Variants in EFCAB11 observed in about 807,000 individuals in gnomAD.
The protein encoded by EFCAB11 is EF-hand calcium binding domain 11, also known as EF-hand calcium-binding domain-containing protein 11.
In EFCAB11, 14 loss-of-function variants were observed where a neutral mutation model predicts 23.0. That is an observed-to-expected ratio of 0.61 (90% confidence interval 0.40 to 0.95). EFCAB11 has a LOEUF of 0.95. Among genes scored for constraint, EFCAB11 ranks in the 40% least tolerant of loss-of-function variants. EFCAB11 has a pLI of 0.00. For synonymous variants in EFCAB11, 65 were observed against 66.6 expected (o/e 0.98, Z 0.11); for missense variants, 198 against 195.8 (o/e 1.01, Z -0.07).
intron 3 of EFCAB11, among the ~76,000 whole-genome samples, chr14:89,941,384 G>A (rs753231838): frequency 6.6e-6 from 1 of 151,982 alleles, no homozygotes; most frequent in Admixed American, 6.6e-5. Context: ...TACTGGCCTC[G>A]ATTTTGTCAC....
In EFCAB11 at chr14:89,932,581, T is replaced by C; in HGVS notation, c.264A>G (p.Glu88=). The C allele has an allele frequency of 6.2e-7, 1 of 1,613,908 alleles. No individual in the cohort carries two copies. The highest frequency in any genetic ancestry group is 8.5e-7 in the Non-Finnish European group (1 of 1,179,932). Residue 88 remains glutamate, a synonymous_variant, in exon 4 of 6, where the codon GAA becomes GAG. Coordinates refer to ENST00000316738, the MANE Select transcript of EFCAB11 (RefSeq NM_145231.4). The part of the protein sequence containing the change: ...GFLNIVRKKK[E]AQRYRNEVRH... ...TTACTTCGTTCCGATATCGTTGAGC[T>C]TCCTTCTTTTTCCTGACAATATTTA...
At chr14:89,883,294 A>T (rs906645352) in intron 5 of EFCAB11, among the ~76,000 whole-genome samples, 9 of 152,334 alleles carry the variant, frequency 5.9e-5, no homozygotes, top group Middle Eastern at 6.8e-3. Flanking sequence ...GTTTCTTGAA[A>T]ATTTGTTCAG....
chr14:89,876,772 A>G (rs1231383674), intron 5 of EFCAB11, among the ~76,000 whole-genome samples: 4 of 152,202 alleles, frequency 2.6e-5, no homozygotes, highest in Non-Finnish European at 5.9e-5. Context: ...TGCCTGCAGG[A>G]CATGTCTTGT....
chr14:89,891,499 A>T (rs1437796475), intron 5 of EFCAB11, among the ~76,000 whole-genome samples: 1 of 152,204 alleles, frequency 6.6e-6, no homozygotes, highest in African/African-American at 2.4e-5. Flanking sequence ...CAGAAGCAAG[A>T]GGTTTCTGAT....
chr14:89,944,356 A>T (rs1360517864), intron 3 of EFCAB11, among the ~76,000 whole-genome samples: 1 of 152,180 alleles, frequency 6.6e-6, no homozygotes, highest in Non-Finnish European at 1.5e-5. Flanking sequence ...TTATTCAATT[A>T]TCTCCCACTG....
intron 5 of EFCAB11, among the ~76,000 whole-genome samples, chr14:89,817,495 T>C (rs1305787983): frequency 6.6e-6 from 1 of 152,206 alleles, no homozygotes; most frequent in Non-Finnish European, 1.5e-5. Context: ...CATTCTAGCC[T>C]GGGTGATAGA....
chr14:89,934,303 G>C (rs1407136485), intron 3 of EFCAB11, among the ~76,000 whole-genome samples: 1 of 152,218 alleles, frequency 6.6e-6, no homozygotes, highest in Non-Finnish European at 1.5e-5. Flanking sequence ...GTGGGGATGA[G>C]AGGAGTGGAA....
At chr14:89,912,581 T>C (rs1394281158) in intron 5 of EFCAB11, among the ~76,000 whole-genome samples, 1 of 152,218 alleles carries the variant, frequency 6.6e-6, no homozygotes, top group Non-Finnish European at 1.5e-5. Flanking sequence ...CATGACCTAT[T>C]TTTCCAGTGG....
In EFCAB11 at chr14:89,931,629, G is replaced by A. The variant is rs757985158; in HGVS notation, c.322C>T (p.Arg108Cys). Residue 108 changes from arginine to cysteine, a missense_variant and splice_region_variant, in exon 5 of 6, where the codon CGT becomes TGT. Transcript: ENST00000316738. ...AAATCTTCCAAAGTTAAAAATCCAC[G>A]ATCTATTTGAAAACAATAAAAAATA... ...HIFTAFDTYYRGFLTLEDFKK... is the reference protein window; with the variant it reads ...HIFTAFDTYYCGFLTLEDFKK... 3.5e-5 allele frequency: 56 copies of A among 1,612,818 alleles called. No individual in the cohort carries two copies. The highest frequency in any genetic ancestry group is 1.7e-4 in the Middle Eastern group (1 of 6,060).
At chr14:89,802,628 A>G (rs767534461) in intron 5 of EFCAB11, among the ~76,000 whole-genome samples, 2 of 152,160 alleles carry the variant, frequency 1.3e-5, no homozygotes, top group Non-Finnish European at 2.9e-5. Context: ...CCTCACCTCA[A>G]ATGATCCTCC....
chr14:89,804,504 C>T (rs1048768031), intron 5 of EFCAB11, among the ~76,000 whole-genome samples: 3 of 152,184 alleles, frequency 2.0e-5, no homozygotes, highest in Non-Finnish European at 2.9e-5. Context: ...TAGTAATGAG[C>T]TTGGTGACAG....
intron 5 of EFCAB11, among the ~76,000 whole-genome samples, chr14:89,847,555 C>A (rs1303221019): frequency 6.6e-6 from 1 of 152,012 alleles, no homozygotes; most frequent in Non-Finnish European, 1.5e-5. Flanking sequence ...GCCTGACCAA[C>A]ATGGGGAAAC....
At chr14:89,821,563 T>C (rs1886519868) in intron 5 of EFCAB11, among the ~76,000 whole-genome samples, 1 of 152,048 alleles carries the variant, frequency 6.6e-6, no homozygotes, top group Non-Finnish European at 1.5e-5. Flanking sequence ...CCTTCTGCCA[T>C]AAAGAATGAA....
intron 5 of EFCAB11, among the ~76,000 whole-genome samples, chr14:89,867,277 A>G (rs888703273): frequency 6.6e-6 from 1 of 152,116 alleles, no homozygotes; most frequent in African/African-American, 2.4e-5. Flanking sequence ...GGCAGTCCCT[A>G]CATTTATTAC....
At chr14:89,865,831 A>AG (rs1555373453) in intron 5 of EFCAB11, among the ~76,000 whole-genome samples, 2 of 152,116 alleles carry the variant, frequency 1.3e-5, no homozygotes, top group Non-Finnish European at 2.9e-5. Context: ...TGCTCGGCTA[A>AG]TTTTGTATTT....
chr14:89,902,984 T>C (rs1467401490), intron 5 of EFCAB11, among the ~76,000 whole-genome samples: 1 of 152,214 alleles, frequency 6.6e-6, no homozygotes, highest in Non-Finnish European at 1.5e-5. Context: ...CTGAATAAAA[T>C]GCTTCTAAAA....
At chr14:89,898,488 C>T (rs1889239138) in intron 5 of EFCAB11, among the ~76,000 whole-genome samples, 1 of 152,122 alleles carries the variant, frequency 6.6e-6, no homozygotes, top group Non-Finnish European at 1.5e-5. Flanking sequence ...CCTCACCCTC[C>T]TGAGTGGCTG....
At chr14:89,831,241 G>A (rs1276454438) in intron 5 of EFCAB11, 4 of 152,218 alleles carry the variant, frequency 2.6e-5, no homozygotes, top group Non-Finnish European at 1.5e-5. Context: ...ACAAAGGATG[G>A]AGTTACCATT....
At chr14:89,921,312 C>T (rs896651503) in intron 5 of EFCAB11, among the ~76,000 whole-genome samples, 2 of 152,016 alleles carry the variant, frequency 1.3e-5, no homozygotes, top group African/African-American at 4.8e-5. Context: ...GTCTATATGG[C>T]CTTGTATGTT....
Sources: allele counts gnomAD v4.1 joint callset (sites outside exome capture counted in the v4.1 genomes callset), GRCh38; gene constraint gnomAD v4.1.1; transcripts MANE v1.5; gene names NCBI Gene and HGNC (gene_info 2026-07-23, HGNC 2026-07-21).